Variants in PDGFRA observed in about 807,000 individuals in gnomAD.
PDGFRA encodes the protein platelet-derived growth factor receptor alpha.
A neutral mutation model predicts 121.5 loss-of-function variants in PDGFRA; 25 were observed. The observed-to-expected ratio is 0.21, with a 90% CI of 0.15 to 0.29. PDGFRA has a LOEUF of 0.29. Ranked by LOEUF, PDGFRA falls within the 10% of genes least tolerant of loss-of-function variation. The pLI is 1.00. For missense variants in PDGFRA, 1,008 were observed against 1,345.1 expected (o/e 0.75, Z 3.92); for synonymous variants, 463 against 494.8 (o/e 0.94, Z 0.85).
At chr4:54,231,660 C>G (rs1720677853) in intron 1 of PDGFRA, among the ~76,000 whole-genome samples, 1 of 152,268 alleles carries the variant, frequency 6.6e-6, no homozygotes, top group African/African-American at 2.4e-5. Flanking sequence ...AGGCGCAAGG[C>G]CGACCAGGCT....
At position 54,263,791 on chromosome 4, in the gene PDGFRA, T is replaced by C. The variant is rs776491556; in HGVS notation, c.492T>C (p.Ser164=). The part of the protein sequence containing the change: ...DPETPVTLHN[S]EGVVPASYDS... ...AGACTCCTGTAACCTTACACAACAG[T>C]GAGGGGGTGGTACCTGCCTCCTACG... Residue 164 remains serine, a synonymous_variant, in exon 4 of 23, where the codon AGT becomes AGC. Transcript: ENST00000257290. The C allele has an allele frequency of 1.9e-6, 3 of 1,614,122 alleles. No individual in the cohort carries two copies. The highest frequency in any genetic ancestry group is 8.5e-7 in the Non-Finnish European group (1 of 1,180,014).
chr4:54,253,464 T>C lies in PDGFRA; in HGVS notation c.-12-5293T>C, dbSNP rs76091088. ...AGAAAGCATAAGAAGGCTAAGAGGA[T>C]GGGGGTAAAGCACAAGTCACCTGCC... On this transcript the variant is annotated intron_variant, in intron 1 of 22. Transcript: ENST00000257290. Among the ~76,000 whole-genome samples the C allele has an allele frequency of 4.0e-3, 602 of 152,140 alleles. 17 individuals carry two copies. The East Asian group carries it at 0.079, about 20-fold the overall frequency.
rs1325108132 is a variant in PDGFRA at position 54,297,539 on chromosome 4, G to T, written c.*2267G>T. 1 of 233,608 alleles carries T rather than the reference G, an allele frequency of 4.3e-6. No homozygotes were observed. The highest frequency in any genetic ancestry group is 8.5e-6 in the Non-Finnish European group (1 of 118,030). The allele number at this position is 233,608 out of a possible 1,614,324, so 14.5% of individuals were successfully genotyped here. A position where few individuals can be genotyped will look rare whatever the true frequency, so the allele number is the denominator to read the frequency against. ...TACAGCCTTATTTTGTTGGTGCTTTGCATTTTGATATTGCTGTGAGCCTTG... is the reference window on the plus strand; with the variant it reads ...TACAGCCTTATTTTGTTGGTGCTTTTCATTTTGATATTGCTGTGAGCCTTG... On this transcript the variant is annotated 3_prime_UTR_variant, in exon 23 of 23. Transcript: ENST00000257290.
intron 1 of PDGFRA, among the ~76,000 whole-genome samples, chr4:54,244,075 G>T (rs1404920491): frequency 2.0e-5 from 3 of 152,182 alleles, no homozygotes; most frequent in Non-Finnish European, 1.5e-5. Context: ...GCTCGAACAG[G>T]GTGGAGCCCA....
chr4:54,239,881 C>A lies in PDGFRA; in HGVS notation c.-13+10466C>A, dbSNP rs184163410. On this transcript the variant is annotated intron_variant, in intron 1 of 22. Transcript: ENST00000257290. Reference sequence around the variant, plus strand: ...TTATTTATTTTTAGAGATAGCATCTCGCTGTGTTGCCCAGGCTGGAGTGCA... The same window carrying A: ...TTATTTATTTTTAGAGATAGCATCTAGCTGTGTTGCCCAGGCTGGAGTGCA... 1.5e-3 allele frequency among the ~76,000 whole-genome samples: 233 copies of A among 152,138 alleles called. 1 individual carries two copies. The highest frequency in any genetic ancestry group is 5.4e-3 in the African/African-American group (225 of 41,502).
chr4:54,248,871 GA>G lies in PDGFRA; in HGVS notation c.-12-9879del, dbSNP rs575010626. Among the ~76,000 whole-genome samples the G allele has an allele frequency of 2.6e-5, 4 of 151,828 alleles. No homozygotes were observed. In the East Asian group the frequency reaches 7.8e-4, roughly 29 times the overall value. On this transcript the variant is annotated intron_variant, in intron 1 of 22. Coordinates refer to ENST00000257290, the MANE Select transcript of PDGFRA (RefSeq NM_006206.6). ...ACAATGAACTTTAACAAATTTACAG[GA>G]AAAAAACAAACAACCCCATCAAAAA...
Position 54,292,966 on chromosome 4 carries a change from A to G in PDGFRA, c.3123-2159A>G, listed in dbSNP as rs143831829. Among the ~76,000 whole-genome samples the G allele has an allele frequency of 2.1e-3, 323 of 152,334 alleles. 1 individual carries two copies. Among genetic ancestry groups the G allele is most frequent in the African/African-American group, 6.9e-3 (288 of 41,580 alleles). On this transcript the variant is annotated intron_variant, in intron 22 of 22. Coordinates refer to ENST00000257290, the MANE Select transcript of PDGFRA (RefSeq NM_006206.6). ...ATTTGGGTGATGAAATAATCTGTAC[A>G]TCAAACCGCCATGACATGTGATTTA...
intron 1 of PDGFRA, among the ~76,000 whole-genome samples, chr4:54,248,162 T>C (rs1160523803): frequency 6.6e-6 from 1 of 152,218 alleles, no homozygotes; most frequent in Non-Finnish European, 1.5e-5. Flanking sequence ...ATAGATTCAA[T>C]GCCATCCCCA....
chr4:54,294,083 G>A (rs565207074), intron 22 of PDGFRA, among the ~76,000 whole-genome samples: 1 of 152,182 alleles, frequency 6.6e-6, no homozygotes, highest in South Asian at 2.1e-4. Context: ...TTTCTATTTT[G>A]TTTTAGAATA....
chr4:54,289,047 A>C lies in PDGFRA; in HGVS notation c.2813A>C (p.Glu938Ala). 6.2e-7 allele frequency: 1 copy of C among 1,611,442 alleles called. No individual in the cohort carries two copies. The highest frequency in any genetic ancestry group is 8.5e-7 in the Non-Finnish European group (1 of 1,178,174). ...GTGAAATGCTGGAACAGTGAGCCGG[A>C]GAAGAGACCCTCCTTTTACCACCTG... ...IMVKCWNSEP[E>A]KRPSFYHLSE... The change falls in exon 21 of 23, where the codon GAG becomes GCG. Residue 938 changes from glutamate to alanine, a missense_variant. Glu to Ala is a moderately radical substitution (Grantham distance 107). Transcript: ENST00000257290.
At chr4:54,264,149 C>T (rs1211593297) in intron 4 of PDGFRA, 2 of 585,520 alleles carry the variant, frequency 3.4e-6, no homozygotes, top group Non-Finnish European at 6.0e-6. Flanking sequence ...CATGTTTCAT[C>T]AGTTGACTTC....
At position 54,231,471 on chromosome 4, in the gene PDGFRA, G is replaced by A. The variant is rs191497232; in HGVS notation, c.-13+2056G>A. On this transcript the variant is annotated intron_variant, in intron 1 of 22. Coordinates refer to ENST00000257290, the MANE Select transcript of PDGFRA (RefSeq NM_006206.6). The stretch of plus-strand genomic sequence containing the variant: ...ACATCCCCGGAGCCACAGGAGGGGA[G>A]GAAGGGGCTCTCCGGGCGTGCGCAC... Among the ~76,000 whole-genome samples, 54 of 152,328 alleles carry A rather than the reference G, an allele frequency of 3.5e-4. No homozygotes were observed. In the East Asian group the frequency reaches 0.01, roughly 29 times the overall value.
intron 1 of PDGFRA, among the ~76,000 whole-genome samples, chr4:54,257,695 CACTA>C (rs1722448721): frequency 6.6e-6 from 1 of 152,122 alleles, no homozygotes; most frequent in Admixed American, 6.6e-5. Context: ...CACCAGTGAC[CACTA>C]TCAGTGACTT....
intron 3 of PDGFRA, 112 bp downstream of exon 3, chr4:54,261,524 T>A: frequency 1.5e-6 from 1 of 663,540 alleles, no homozygotes; most frequent in Non-Finnish European, 2.5e-6. Flanking sequence ...GCGGGAAGTT[T>A]GAAAAATGTA....
intron 1 of PDGFRA, among the ~76,000 whole-genome samples, chr4:54,240,706 A>G (rs1362860419): frequency 6.6e-6 from 1 of 152,228 alleles, no homozygotes; most frequent in Non-Finnish European, 1.5e-5. Flanking sequence ...TGTTAGACAA[A>G]GGGACAGTGG....
At chr4:54,278,289 G>T (rs2110313967) in intron 14 of PDGFRA, 73 bp from the exon 15 acceptor site, 1 of 1,177,560 alleles carries the variant, frequency 8.5e-7, no homozygotes, top group East Asian at 2.4e-5. Context: ...GTGCCATATG[G>T]TCTGCAGGAC....
rs116610614 is a variant in PDGFRA at position 54,278,560 on chromosome 4, C to T, written c.2156+45C>T. The T allele has an allele frequency of 4.4e-4, 694 of 1,581,372 alleles. 3 individuals are homozygous for T. In the African/African-American group the frequency reaches 8.3e-3, roughly 19 times the overall value. On this transcript the variant is annotated intron_variant, in intron 15 of 22. Coordinates refer to ENST00000257290, the MANE Select transcript of PDGFRA (RefSeq NM_006206.6). ...TTGCTGTCTATCATTATCTTACAGG[C>T]ATCACAAATGGAAAGACCCATGTCC...
Position 54,289,000 on chromosome 4 carries a change from T to C in PDGFRA, c.2775-9T>C. ...CCCCTGTGCCCACTCTTGAGTTCTGTCCCCACAGCTACGAGATCATGGTGA... is the reference window on the plus strand; with the variant it reads ...CCCCTGTGCCCACTCTTGAGTTCTGCCCCCACAGCTACGAGATCATGGTGA... On this transcript the variant is annotated splice_polypyrimidine_tract_variant and intron_variant, in intron 20 of 22. Transcript: ENST00000257290. 1 of 1,592,250 alleles carries C rather than the reference T, an allele frequency of 6.3e-7. No homozygotes were observed. The highest frequency in any genetic ancestry group is 8.6e-7 in the Non-Finnish European group (1 of 1,160,164).
At position 54,296,582 on chromosome 4, in the gene PDGFRA, T is replaced by C; in HGVS notation, c.*1310T>C. The C allele has an allele frequency of 4.3e-6, 1 of 232,620 alleles. No homozygotes were observed. The highest frequency in any genetic ancestry group is 6.1e-5 in the East Asian group (1 of 16,476). The allele number at this position is 232,620 out of a possible 1,614,324, so 14.4% of individuals were successfully genotyped here. A position where few individuals can be genotyped will look rare whatever the true frequency, so the allele number is the denominator to read the frequency against. On this transcript the variant is annotated 3_prime_UTR_variant, in exon 23 of 23. Coordinates refer to ENST00000257290, the MANE Select transcript of PDGFRA (RefSeq NM_006206.6). ...GTGCATTAGCCTGGATCCTCAGTTC[T>C]CAAATGTGTGTGGCAGCCAGGATGA...
Sources: allele counts gnomAD v4.1 joint callset (sites outside exome capture counted in the v4.1 genomes callset), GRCh38; gene constraint gnomAD v4.1.1; transcripts MANE v1.5; gene names NCBI Gene and HGNC (gene_info 2026-07-23, HGNC 2026-07-21).